BICDL2: variants seen among roughly 807,000 people sequenced by gnomAD.
BICDL2 encodes the protein BICD family-like cargo adapter 2.
Under a neutral mutation model 56.6 loss-of-function variants are expected in BICDL2, and 62 were observed. The ratio of observed to expected loss-of-function variants is 1.10; its 90% CI spans 0.89 to 1.35. BICDL2 has a LOEUF of 1.35. Among genes scored for constraint, BICDL2 ranks in the 40% most tolerant of loss-of-function variants. The pLI, the probability that BICDL2 is intolerant of heterozygous loss-of-function variation, is 0.00. For synonymous variants in BICDL2, 358 were observed against 319.8 expected, an observed-to-expected ratio of 1.12 and a Z score of -1.27; for missense variants, 808 against 684.5, an observed-to-expected ratio of 1.18 and a Z score of -2.01.
At chr16:3,031,191 C>A (rs1024103894) in intron 2 of BICDL2, 41 bp from the exon 3 acceptor site, 1 of 1,502,676 alleles carries the variant, frequency 6.7e-7, no homozygotes. Context: ...AGAGAGGCAC[C>A]GATGAGACTG....
In BICDL2 at chr16:3,028,721, T is replaced by C. The variant is rs1429941616; in HGVS notation, c.1217A>G (p.Asp406Gly). 1 of 1,568,348 alleles carries C rather than the reference T, an allele frequency of 6.4e-7. No individual in the cohort carries two copies. The part of the protein sequence containing the change: ...PGEALHSALS[D>G]RDEAVNKALE... ...TTACTTGTTCACGGCCTCGTCCCGG[T>C]CTGAGAGGGCACTGTGCAGGGCCTC... is the stretch of plus-strand genomic sequence containing the variant. Residue 406 changes from aspartate (D) to glycine (G), a missense_variant, in exon 8 of 10, where the codon GAC becomes GGC. Coordinates refer to ENST00000572449, the MANE Select transcript of BICDL2 (RefSeq NM_001369667.1).
In BICDL2 at chr16:3,027,819, T is replaced by A. The variant is rs1351476822; in HGVS notation, c.*287A>T. The A allele has an allele frequency of 1.1e-6, 1 of 879,306 alleles. No individual in the cohort carries two copies. The highest frequency in any genetic ancestry group is 1.7e-6 in the Non-Finnish European group (1 of 598,094). 54.5% of individuals were successfully genotyped at this position (879,306 alleles called of 1,614,324 possible). A position where few individuals can be genotyped will look rare whatever the true frequency, so the allele number is the denominator to read the frequency against. ...GATTTATATATTACTCTGTCCGATC[T>A]TGATACATAAATACCCAGCCCCATC... On this transcript the variant is annotated 3_prime_UTR_variant, in exon 10 of 10. Transcript: ENST00000572449.
rs1450967027 is a variant in BICDL2, at chr16:3,031,837, T to C, written c.283-687A>G. ...TTCATTTCATCCACTAGAGGGAGAA[T>C]CACTAACGTCCTGGGTTTACAGATG... is the stretch of plus-strand genomic sequence containing the variant. On this transcript the variant is annotated intron_variant, in intron 2 of 9. Transcript: ENST00000572449. The C allele has an allele frequency of 1.4e-4, 43 of 297,406 alleles. 2 individuals carry two copies. The Admixed American group carries it at 2.2e-3, about 15-fold the overall frequency. The allele number at this position is 297,406 out of a possible 1,614,324, so 18.4% of individuals were successfully genotyped here. A position where few individuals can be genotyped will look rare whatever the true frequency, so the allele number is the denominator to read the frequency against.
intron 1 of BICDL2, chr16:3,036,578 C>T (rs777821801): frequency 5.1e-5 from 23 of 452,546 alleles, no homozygotes. Context: ...CTCCCGGGGA[C>T]CTCCCTGACT....
chr16:3,036,394 TC>T, intron 1 of BICDL2: 1 of 452,878 alleles, frequency 2.2e-6, no homozygotes, highest in Non-Finnish European at 4.4e-6. Context: ...GTTCAGGGGC[TC>T]GGGTCAGAGG....
In BICDL2 at chr16:3,028,765, C is replaced by T; in HGVS notation, c.1173G>A (p.Arg391=). Residue 391 remains arginine (R), a synonymous_variant, in exon 8 of 10, where the codon CGG becomes CGA. Transcript: ENST00000572449. ...REELQRQKEL[R]AQEDPGEALH... ...GGGCCTCCCCAGGGTCTTCCTGCGC[C>T]CGCAGCTCCTTCTGCCTCTGCAGCT... 2 of 1,560,268 alleles carry T rather than the reference C, an allele frequency of 1.3e-6. No individual in the cohort carries two copies. The highest frequency in any genetic ancestry group is 1.7e-6 in the Non-Finnish European group (2 of 1,152,392).
In BICDL2 at chr16:3,029,590, G is replaced by A. The variant is rs763777633; in HGVS notation, c.912C>T (p.Asp304=). Residue 304 remains aspartate, a synonymous_variant, in exon 6 of 10, where the codon GAC becomes GAT. Coordinates refer to ENST00000572449, the MANE Select transcript of BICDL2 (RefSeq NM_001369667.1). Reference sequence around the variant, plus strand: ...CGGCGCCCTGGCCCTGGTCGCCGTCGTCGAGGCTGTGGGCCAGTTCTGACT... The same window carrying A: ...CGGCGCCCTGGCCCTGGTCGCCGTCATCGAGGCTGTGGGCCAGTTCTGACT... ...SLQSELAHSL[D]DGDQGQGADA... 5.6e-5 allele frequency: 87 copies of A among 1,543,522 alleles called. No individual in the cohort carries two copies. The highest frequency in any genetic ancestry group is 7.6e-5 in the Non-Finnish European group (87 of 1,148,452).
chr16:3,028,859 C>A (rs1233242389), intron 7 of BICDL2, 29 bp from the exon 8 acceptor site: 5 of 1,526,064 alleles, frequency 3.3e-6, no homozygotes, highest in African/African-American at 2.7e-5. Flanking sequence ...GGCCGTGCGG[C>A]AGATGGGCCA....
chr16:3,035,176 T>TGGCCCGGGGGGGGGGGGGGG, intron 2 of BICDL2, 39 bp downstream of exon 2: 1 of 136,274 alleles, frequency 7.3e-6, no homozygotes, highest in Non-Finnish European at 1.4e-5. Context: ...CGTCCTCCCC[T>TGGCCCGGGGGGGGGGGGGGG]GCCCACCCAC....
intron 2 of BICDL2, 168 bp downstream of exon 2, chr16:3,035,047 C>G: frequency 1.5e-6 from 1 of 662,530 alleles, no homozygotes; most frequent in Non-Finnish European, 2.5e-6. Flanking sequence ...GCAACACTGC[C>G]AGGGGGACTG....
At chr16:3,030,029 C>T in intron 5 of BICDL2, 1 of 501,854 alleles carries the variant, frequency 2.0e-6, no homozygotes, top group South Asian at 3.0e-5. Flanking sequence ...ATTGGTGCTA[C>T]TGAGGCTGCT....
At chr16:3,032,777 T>C (rs1300203247) in intron 2 of BICDL2, 2 of 151,996 alleles carry the variant, frequency 1.3e-5, no homozygotes, top group Admixed American at 1.3e-4. Flanking sequence ...GAGCCCTCAT[T>C]GTCGGGGAGA....
rs950102119 is a variant in BICDL2 at position 3,028,248 on chromosome 16, T to C, written c.1385A>G (p.Gln462Arg). 4 of 1,477,028 alleles carry C rather than the reference T, an allele frequency of 2.7e-6. No homozygotes were observed. In the African/African-American group the frequency reaches 4.4e-5, roughly 16 times the overall value. 91.5% of individuals were successfully genotyped at this position (1,477,028 alleles called of 1,614,324 possible). A position where few individuals can be genotyped will look rare whatever the true frequency, so the allele number is the denominator to read the frequency against. The change falls in exon 10 of 10, where the codon CAG becomes CGG. Residue 462 changes from glutamine to arginine, a missense_variant. Transcript: ENST00000572449. ...CTTCTGGCGCTGTGAGCGCAGCTGC[T>C]GCCCGATCACCACCTGCATGTCGTC... ...WQDDMQVVIG[Q>R]QLRSQRQKEL...
chr16:3,030,872 C>A (rs111594484), intron 3 of BICDL2, 60 bp from the exon 4 acceptor site: 14 of 1,550,970 alleles, frequency 9.0e-6, no homozygotes, highest in African/African-American at 6.8e-5. Context: ...CACCTACTCC[C>A]CGCTGGGGAC....
At chr16:3,036,302 C>T in intron 1 of BICDL2, 1 of 451,840 alleles carries the variant, frequency 2.2e-6, no homozygotes, top group Non-Finnish European at 4.4e-6. Flanking sequence ...GGCCGCAGCG[C>T]GGCTCGGAGT....
chr16:3,035,177 G>GGGCCCCCCCCC, intron 2 of BICDL2, 38 bp downstream of exon 2: 1 of 118,826 alleles, frequency 8.4e-6, no homozygotes, highest in South Asian at 1.4e-4. Flanking sequence ...GTCCTCCCCT[G>GGGCCCCCCCCC]CCCACCCACC....
At chr16:3,029,085 C>G (rs1167764457) in intron 7 of BICDL2, among the ~76,000 whole-genome samples, 195 bp downstream of exon 7, 1 of 152,156 alleles carries the variant, frequency 6.6e-6, no homozygotes, top group African/African-American at 2.4e-5. Context: ...GGGAGTGGAA[C>G]TAAGGGCAGA....
chr16:3,029,099 G>T (rs573918993), intron 7 of BICDL2, among the ~76,000 whole-genome samples, 181 bp downstream of exon 7: 1 of 152,196 alleles, frequency 6.6e-6, no homozygotes, highest in Non-Finnish European at 1.5e-5. Flanking sequence ...GGGCAGAGGT[G>T]CTGTCCAGGA....
intron 2 of BICDL2, among the ~76,000 whole-genome samples, chr16:3,034,587 C>T (rs757028235): frequency 6.6e-6 from 1 of 151,520 alleles, no homozygotes; most frequent in Non-Finnish European, 1.5e-5. Context: ...TGGCCTGAAT[C>T]CAGGTCTTAA....
Sources: allele counts gnomAD v4.1 joint callset (sites outside exome capture counted in the v4.1 genomes callset), GRCh38; gene constraint gnomAD v4.1.1; transcripts MANE v1.5; gene names NCBI Gene and HGNC (gene_info 2026-07-23, HGNC 2026-07-21).